Variants in ABCA3 observed in about 807,000 individuals in gnomAD.
The protein encoded by ABCA3 is ATP binding cassette subfamily A member 3.
Under a neutral mutation model 172.8 loss-of-function variants are expected in ABCA3, and 88 were observed. The observed-to-expected ratio is 0.51, with a 90% confidence interval of 0.43 to 0.61. ABCA3 has a LOEUF of 0.61. ABCA3 is among the 20% of genes least tolerant of loss of function. The pLI, the probability that ABCA3 is intolerant of heterozygous loss-of-function variation, is 0.00. For synonymous variants in ABCA3, 1,066 were observed against 983.8 expected (o/e 1.08, Z -1.56); for missense variants, 2,164 against 2,301.0 (o/e 0.94, Z 1.22).
intron 10 of ABCA3, among the ~76,000 whole-genome samples, chr16:2,315,694 C>T (rs1459288003): frequency 6.6e-6 from 1 of 151,644 alleles, no homozygotes; most frequent in African/African-American, 2.4e-5. Context: ...AGACAGGGTC[C>T]CTCTCGTTCT....
intron 1 of ABCA3, among the ~76,000 whole-genome samples, chr16:2,339,614 C>G (rs1220416634): frequency 6.6e-6 from 1 of 152,242 alleles, no homozygotes; most frequent in African/African-American, 2.4e-5. Flanking sequence ...CACGTGCTCC[C>G]TGCCTGGGCT....
chr16:2,315,190 G>A (rs2093713098), intron 10 of ABCA3, among the ~76,000 whole-genome samples: 1 of 143,442 alleles, frequency 7.0e-6, no homozygotes, highest in African/African-American at 2.6e-5. Context: ...GTCATAAATT[G>A]TTGTATGTAT....
chr16:2,307,016 CAAA>C (rs201661615), intron 11 of ABCA3, among the ~76,000 whole-genome samples: 16 of 66,014 alleles, frequency 2.4e-4, no homozygotes, highest in Non-Finnish European at 3.7e-4. Flanking sequence ...GACTCCGTCT[CAAA>C]AAAAAAAAAA....
Position 2,278,225 on chromosome 16 carries a change from C to A in ABCA3, c.4718+63G>T, listed in dbSNP as rs978210675. ...CAGATGCTGATGGGTCTCCTGGCCACCTGGCTCCTCCATGGCCCACCCGGT... is the reference window on the plus strand; with the variant it reads ...CAGATGCTGATGGGTCTCCTGGCCAACTGGCTCCTCCATGGCCCACCCGGT... On this transcript the variant is annotated intron_variant, in intron 30 of 32. Coordinates refer to ENST00000301732, the MANE Select transcript of ABCA3 (RefSeq NM_001089.3). This position sits in a 1 kb window ranked among gnomAD's most constrained non-coding sequence, Gnocchi z 4.4. 1.9e-6 allele frequency: 3 copies of A among 1,601,162 alleles called. No homozygotes were observed. In the African/African-American group the frequency reaches 4.0e-5, roughly 21 times the overall value.
At position 2,285,568 on chromosome 16, in the gene ABCA3, C is replaced by T. The variant is rs377461023; in HGVS notation, c.3357G>A (p.Ala1119=). The change falls in exon 23 of 33, where the codon GCG becomes GCA. Residue 1119 remains alanine (A), a synonymous_variant. Transcript: ENST00000301732. This position sits in a 1 kb window ranked among gnomAD's most constrained non-coding sequence, Gnocchi z 4.7. ...TGGCCTGCACGGCCCTCTCGCTGAC[C>T]GCCAGGATGGAGAACGTGCTGGCCA... ...AFLASTFSIL[A]VSERAVQAKH... 1.1e-5 allele frequency: 18 copies of T among 1,577,692 alleles called. No homozygotes were observed. Among genetic ancestry groups the T allele is most frequent in the African/African-American group, 1.1e-4 (8 of 74,138 alleles).
In ABCA3 at chr16:2,278,095, A is replaced by G. The variant is rs1395099195; in HGVS notation, c.4719-26T>C. Reference sequence around the variant, plus strand: ...CTGTGGAGAGGGCGGGACCTCAGATAGGGCTTGGGGTGCCAAAGGCTTGTG... The same window carrying G: ...CTGTGGAGAGGGCGGGACCTCAGATGGGGCTTGGGGTGCCAAAGGCTTGTG... On this transcript the variant is annotated intron_variant, in intron 30 of 32. Transcript: ENST00000301732. The surrounding 1 kb of genome is among the most constrained non-coding windows in gnomAD (Gnocchi z 4.4). The G allele has an allele frequency of 1.2e-6, 2 of 1,612,884 alleles. No individual in the cohort carries two copies. Among genetic ancestry groups the G allele is most frequent in the African/African-American group, 1.3e-5 (1 of 74,912 alleles).
chr16:2,276,501 T>C lies in ABCA3; in HGVS notation c.*173A>G. The C allele has an allele frequency of 9.1e-7, 1 of 1,097,008 alleles. No homozygotes were observed. The highest frequency in any genetic ancestry group is 2.6e-5 in the East Asian group (1 of 38,116). 68.0% of individuals were successfully genotyped at this position (1,097,008 alleles called of 1,614,324 possible). A position where few individuals can be genotyped will look rare whatever the true frequency, so the allele number is the denominator to read the frequency against. ...GAGATGCGCATGCTGATCCTGGGCATGAGGGCTGGGCTGCACTCGTCCATT... is the reference window on the plus strand; with the variant it reads ...GAGATGCGCATGCTGATCCTGGGCACGAGGGCTGGGCTGCACTCGTCCATT... On this transcript the variant is annotated 3_prime_UTR_variant, in exon 33 of 33. Transcript: ENST00000301732.
Position 2,287,342 on chromosome 16 carries a change from C to A in ABCA3, c.3005-375G>T, listed in dbSNP as rs532871921. ...TCACCCAGGCTGGAGTGCAATGGTG[C>A]GATCTTGGCTCACTGCAGCCTCCAC... On this transcript the variant is annotated intron_variant, in intron 21 of 32. Coordinates refer to ENST00000301732, the MANE Select transcript of ABCA3 (RefSeq NM_001089.3). The surrounding 1 kb of genome is among the most constrained non-coding windows in gnomAD (Gnocchi z 4.1). Among the ~76,000 whole-genome samples the A allele has an allele frequency of 1.6e-3, 238 of 151,754 alleles. 2 individuals are homozygous for A. Among genetic ancestry groups the A allele is most frequent in the Non-Finnish European group, 1.2e-3 (81 of 67,930 alleles).
At chr16:2,313,202 C>T (rs1453091824) in intron 10 of ABCA3, among the ~76,000 whole-genome samples, 1 of 152,016 alleles carries the variant, frequency 6.6e-6, no homozygotes, top group East Asian at 1.9e-4. Context: ...ATTGTTTTTG[C>T]ACCGTCACTA....
intron 20 of ABCA3, among the ~76,000 whole-genome samples, chr16:2,288,698 C>T (rs1260430299): frequency 6.6e-6 from 1 of 152,178 alleles, no homozygotes; most frequent in Non-Finnish European, 1.5e-5. Context: ...GCGCACACCA[C>T]CACACCCAAC....
intron 1 of ABCA3, among the ~76,000 whole-genome samples, chr16:2,339,778 G>C (rs1201182239): frequency 3.3e-5 from 5 of 152,268 alleles, no homozygotes; most frequent in African/African-American, 1.2e-4. Flanking sequence ...TGAGGACATG[G>C]CTTCATCTGT....
intron 7 of ABCA3, among the ~76,000 whole-genome samples, chr16:2,320,808 T>A (rs2093724901): frequency 6.6e-6 from 1 of 152,166 alleles, no homozygotes; most frequent in Non-Finnish European, 1.5e-5. Flanking sequence ...TCACACACGT[T>A]ATATCTCCTG....
chr16:2,304,943 G>A (rs1567346161), intron 11 of ABCA3, among the ~76,000 whole-genome samples: 1 of 151,952 alleles, frequency 6.6e-6, no homozygotes, highest in Non-Finnish European at 1.5e-5. Flanking sequence ...CCAAAGCGCT[G>A]GGATTACAGG....
At chr16:2,317,847 T>G in intron 8 of ABCA3, 83 bp from the exon 9 acceptor site, 1 of 1,232,200 alleles carries the variant, frequency 8.1e-7, no homozygotes, top group Non-Finnish European at 1.2e-6. Flanking sequence ...GCAGCAGGCC[T>G]GAGTCCGACT....
intron 19 of ABCA3, 35 bp from the exon 20 acceptor site, chr16:2,289,655 A>T: frequency 6.5e-7 from 1 of 1,542,920 alleles, no homozygotes; most frequent in Non-Finnish European, 8.7e-7. Flanking sequence ...GTCAGGACCC[A>T]GCTCCCCGGG....
At chr16:2,289,330 C>T in intron 20 of ABCA3, 104 bp downstream of exon 20, 1 of 1,416,222 alleles carries the variant, frequency 7.1e-7, no homozygotes, top group Non-Finnish European at 9.6e-7. Flanking sequence ...CTCTCCCGGA[C>T]CCTGTTTGCG....
chr16:2,327,579 G>A (rs188834688), intron 3 of ABCA3, among the ~76,000 whole-genome samples: 237 of 152,316 alleles, frequency 1.6e-3, no homozygotes, highest in Middle Eastern at 3.4e-3. Context: ...TTGCTGCCCC[G>A]GAGCAGGCCC....
rs370280504 is a variant in ABCA3 at position 2,310,385 on chromosome 16, C to A, written c.1112-1762G>T. Among the ~76,000 whole-genome samples the A allele has an allele frequency of 4.6e-5, 7 of 151,428 alleles. No homozygotes were observed. The East Asian group carries it at 1.4e-3, about 29-fold the overall frequency. ...ATCGGGTCACTGCACTCCATCCTAG[C>A]GACAGAGTGAGACTCTGTCTCAAAA... is the stretch of plus-strand genomic sequence containing the variant. On this transcript the variant is annotated intron_variant, in intron 10 of 32. Transcript: ENST00000301732.
rs1183064 is a variant in ABCA3 at position 2,284,553 on chromosome 16, A to T, written c.3704-116T>A. On this transcript the variant is annotated intron_variant, in intron 24 of 32. Transcript: ENST00000301732. The surrounding 1 kb of genome is among the most constrained non-coding windows in gnomAD (Gnocchi z 5.9). ...TCCGTGCTGTGTGGAGTGAGGGGGC[A>T]CCTCCCAGGGACGCCCCTGCCGGCT... 0.73 allele frequency: 1,067,923 copies of T among 1,453,402 alleles called. 397,042 individuals are homozygous for T. The highest frequency in any genetic ancestry group is 0.97 in the East Asian group (42,499 of 43,676). The allele number at this position is 1,453,402 out of a possible 1,614,324, so 90.0% of individuals were successfully genotyped here. A position where few individuals can be genotyped will look rare whatever the true frequency, so the allele number is the denominator to read the frequency against.
Sources: allele counts gnomAD v4.1 joint callset (sites outside exome capture counted in the v4.1 genomes callset), GRCh38; gene constraint gnomAD v4.1.1; non-coding constraint Gnocchi (gnomAD v3.1); transcripts MANE v1.5; gene names NCBI Gene and HGNC (gene_info 2026-07-23, HGNC 2026-07-21).